Variants in SNTG1 observed in about 807,000 individuals in gnomAD.
SNTG1 encodes the protein gamma-1-syntrophin.
A neutral mutation model predicts 74.7 loss-of-function variants in SNTG1; 39 were observed. That is an observed-to-expected ratio of 0.52 (90% CI 0.40 to 0.68). The LOEUF is 0.68. Among genes scored for constraint, SNTG1 ranks in the 30% least tolerant of loss-of-function variants. The pLI is 0.00. For missense variants in SNTG1, 685 were observed against 609.5 expected, an observed-to-expected ratio of 1.12 and a Z score of -1.30; for synonymous variants, 254 against 217.1, an observed-to-expected ratio of 1.17 and a Z score of -1.49.
intron 2 of SNTG1, among the ~76,000 whole-genome samples, chr8:50,363,526 G>T (rs1211033570): frequency 6.6e-6 from 1 of 152,152 alleles, no homozygotes. Context: ...GTATGTGTGT[G>T]TGTGTGTAAT....
intron 4 of SNTG1, among the ~76,000 whole-genome samples, chr8:50,428,884 C>A (rs1392640687): frequency 6.6e-6 from 1 of 151,928 alleles, no homozygotes; most frequent in African/African-American, 2.4e-5. Context: ...GGACCAAGGA[C>A]CCCATTGTTC....
At position 50,763,894 on chromosome 8, in the gene SNTG1, CACACACACACACAA is replaced by C. The variant is rs1233546327; in HGVS notation, c.1395+11785_1395+11798del. 1.5e-3 allele frequency among the ~76,000 whole-genome samples: 175 copies of C among 118,050 alleles called. 5 individuals carry two copies. The highest frequency in any genetic ancestry group is 7.7e-3 in the African/African-American group (131 of 16,908). 77.4% of individuals were successfully genotyped at this position (118,050 alleles called of 152,430 possible). A position where few individuals can be genotyped will look rare whatever the true frequency, so the allele number is the denominator to read the frequency against. On this transcript the variant is annotated intron_variant, in intron 18 of 18. Coordinates refer to ENST00000642720, the MANE Select transcript of SNTG1 (RefSeq NM_018967.5). ...ACACACACACACACACACACACACA[CACACACACACACAA>C]AAATAACCAAGGCAATTCCTATACA...
intron 4 of SNTG1, among the ~76,000 whole-genome samples, chr8:50,417,294 T>G (rs942434364): frequency 6.6e-6 from 1 of 152,144 alleles, no homozygotes; most frequent in Non-Finnish European, 1.5e-5. Context: ...ACGTGCCACA[T>G]TATCTTACTC....
intron 2 of SNTG1, among the ~76,000 whole-genome samples, chr8:50,339,773 A>G (rs572877252): frequency 6.6e-6 from 1 of 151,980 alleles, no homozygotes; most frequent in South Asian, 2.1e-4. Context: ...AAGCAAGTAC[A>G]TATGTAGTAG....
chr8:50,457,757 G>C (rs752553875), intron 8 of SNTG1, among the ~76,000 whole-genome samples: 14 of 152,154 alleles, frequency 9.2e-5, no homozygotes, highest in Non-Finnish European at 1.6e-4. Context: ...TCGCGAATGG[G>C]AGTGTTGAAA....
intron 1 of SNTG1, among the ~76,000 whole-genome samples, chr8:50,066,001 G>A (rs1175018683): frequency 1.3e-5 from 2 of 152,150 alleles, no homozygotes; most frequent in Non-Finnish European, 2.9e-5. Flanking sequence ...CGGATCACAA[G>A]GTCAGGAGTT....
At chr8:50,458,311 A>T (rs773633365) in intron 8 of SNTG1, 1 of 152,168 alleles carries the variant, frequency 6.6e-6, no homozygotes, top group African/African-American at 2.4e-5. Context: ...AATTAATGCT[A>T]CCATTATATA....
intron 18 of SNTG1, chr8:50,762,668 G>C: frequency 2.2e-6 from 1 of 463,978 alleles, no homozygotes; most frequent in Non-Finnish European, 4.3e-6. Flanking sequence ...GAATCCAACA[G>C]CCTGACCTGT....
intron 1 of SNTG1, among the ~76,000 whole-genome samples, chr8:50,061,225 A>G (rs1820443743): frequency 6.6e-6 from 1 of 152,164 alleles, no homozygotes; most frequent in Non-Finnish European, 1.5e-5. Context: ...CAATCTATTT[A>G]ATGATTATAG....
chr8:50,496,894 AT>A (rs1338674799), intron 8 of SNTG1, among the ~76,000 whole-genome samples: 1 of 152,010 alleles, frequency 6.6e-6, no homozygotes, highest in African/African-American at 2.4e-5. Context: ...TAATTCGTTC[AT>A]TATTATTCAA....
chr8:50,376,530 A>T (rs1175972171), intron 2 of SNTG1, among the ~76,000 whole-genome samples: 1 of 151,938 alleles, frequency 6.6e-6, no homozygotes, highest in East Asian at 1.9e-4. Context: ...TAAGCAAATG[A>T]TTCAGCAAGT....
Position 50,047,677 on chromosome 8 carries a change from T to A in SNTG1, c.-102-124884T>A, listed in dbSNP as rs541958902. Among the ~76,000 whole-genome samples, 15 of 152,242 alleles carry A rather than the reference T, an allele frequency of 9.9e-5. No homozygotes were observed. In the East Asian group the frequency reaches 1.7e-3, roughly 18 times the overall value. ...GTAAGTATATGTAATAGGATAAACATAAAATGTCCTCCCAGTCACCTTCTG... is the reference window on the plus strand; with the variant it reads ...GTAAGTATATGTAATAGGATAAACAAAAAATGTCCTCCCAGTCACCTTCTG... On this transcript the variant is annotated intron_variant, in intron 1 of 18. Transcript: ENST00000642720.
At chr8:49,968,070 G>C (rs1463318379) in intron 1 of SNTG1, among the ~76,000 whole-genome samples, 3 of 150,624 alleles carry the variant, frequency 2.0e-5, no homozygotes, top group Non-Finnish European at 4.4e-5. Flanking sequence ...CTGGTGAACA[G>C]TCTTTGTTTT....
chr8:50,188,392 C>T (rs910357334), intron 2 of SNTG1, among the ~76,000 whole-genome samples: 3 of 152,202 alleles, frequency 2.0e-5, no homozygotes, highest in African/African-American at 4.8e-5. Flanking sequence ...TTTTCCTTTG[C>T]GATTGTCTTC....
intron 18 of SNTG1, among the ~76,000 whole-genome samples, chr8:50,765,357 T>C (rs2095611055): frequency 6.6e-6 from 1 of 152,000 alleles, no homozygotes; most frequent in South Asian, 2.1e-4. Context: ...GGTTTACTGG[T>C]CTGCATCCAT....
At chr8:50,422,651 G>A (rs903315853) in intron 4 of SNTG1, among the ~76,000 whole-genome samples, 9 of 152,092 alleles carry the variant, frequency 5.9e-5, no homozygotes, top group Admixed American at 5.2e-4. Context: ...GGTAATGTGT[G>A]AGAGATTAAA....
intron 3 of SNTG1, among the ~76,000 whole-genome samples, chr8:50,396,036 T>C (rs1356958840): frequency 1.3e-5 from 2 of 152,184 alleles, no homozygotes; most frequent in Non-Finnish European, 2.9e-5. Flanking sequence ...CTGGAAAGAT[T>C]TACAAGAGCT....
rs538735923 is a variant in SNTG1 at position 49,932,689 on chromosome 8, G to A, written c.-103+20458G>A. Among the ~76,000 whole-genome samples the A allele has an allele frequency of 8.9e-4, 136 of 152,048 alleles. 1 individual carries two copies. The highest frequency in any genetic ancestry group is 3.2e-3 in the African/African-American group (132 of 41,498). The stretch of plus-strand genomic sequence containing the variant: ...TAGTGGCTTTTAGTCTATTTACAAG[G>A]TTGTGCAACCATCACCACTATTTAA... On this transcript the variant is annotated intron_variant, in intron 1 of 18. Coordinates refer to ENST00000642720, the MANE Select transcript of SNTG1 (RefSeq NM_018967.5).
At chr8:49,932,761 C>T (rs1013883599) in intron 1 of SNTG1, among the ~76,000 whole-genome samples, 6 of 152,112 alleles carry the variant, frequency 3.9e-5, no homozygotes, top group Middle Eastern at 3.2e-3. Flanking sequence ...GAAACATTAG[C>T]TGTCACTCCT....
Sources: allele counts gnomAD v4.1 joint callset (sites outside exome capture counted in the v4.1 genomes callset), GRCh38; gene constraint gnomAD v4.1.1; transcripts MANE v1.5; gene names NCBI Gene and HGNC (gene_info 2026-07-23, HGNC 2026-07-21).